The following SLC30A8 variants were observed in gnomAD, a reference collection of about 807,000 sequenced individuals.
SLC30A8 encodes the protein solute carrier family 30 member 8, also known as proton-coupled zinc antiporter SLC30A8.
Under a neutral mutation model 36.9 loss-of-function variants are expected in SLC30A8, and 27 were observed. The observed-to-expected ratio is 0.73, with a 90% CI of 0.54 to 1.01. SLC30A8 has a LOEUF of 1.01. SLC30A8 is among the 50% of genes least tolerant of loss of function. The pLI is 0.00. For missense variants in SLC30A8, 439 were observed against 452.0 expected, an observed-to-expected ratio of 0.97 and a Z score of 0.26; for synonymous variants, 164 against 172.4, an observed-to-expected ratio of 0.95 and a Z score of 0.38.
At chr8:117,104,171 T>G (rs1819866180) in intron 2 of SLC30A8, among the ~76,000 whole-genome samples, 1 of 152,184 alleles carries the variant, frequency 6.6e-6, no homozygotes, top group Non-Finnish European at 1.5e-5. Flanking sequence ...TTTCTCATAT[T>G]TTTGCAATGT....
intron 2 of SLC30A8, among the ~76,000 whole-genome samples, chr8:117,062,428 G>T (rs983403256): frequency 6.6e-6 from 1 of 152,184 alleles, no homozygotes; most frequent in African/African-American, 2.4e-5. Flanking sequence ...CACATCACAT[G>T]GCAAAAGTGG....
intron 1 of SLC30A8, among the ~76,000 whole-genome samples, chr8:117,018,854 T>C (rs1259002326): frequency 6.6e-6 from 1 of 151,888 alleles, no homozygotes; most frequent in African/African-American, 2.4e-5. Context: ...AGAGATGCGG[T>C]TTTTCACCAT....
chr8:116,979,363 A>G (rs1815178505), intron 1 of SLC30A8, among the ~76,000 whole-genome samples: 2 of 152,168 alleles, frequency 1.3e-5, no homozygotes, highest in Admixed American at 1.3e-4. Flanking sequence ...CGAAGAAAAC[A>G]TAAATGCATA....
rs1444182719 is a variant in SLC30A8, at chr8:117,174,076, A to G, written c.*1395A>G. ...TAGCTTTTAGTTGAAAAAGCAAAAT[A>G]CATGATGCAAAGAAACCTCTCCACG... is the stretch of plus-strand genomic sequence containing the variant. On this transcript the variant is annotated 3_prime_UTR_variant, in exon 8 of 8. Coordinates refer to ENST00000456015, the MANE Select transcript of SLC30A8 (RefSeq NM_173851.3). The G allele has an allele frequency of 6.6e-6, 1 of 152,178 alleles. No individual in the cohort carries two copies. The highest frequency in any genetic ancestry group is 1.5e-5 in the Non-Finnish European group (1 of 68,026). The allele number at this position is 152,178 out of a possible 1,614,324, so 9.4% of individuals were successfully genotyped here.
intron 2 of SLC30A8, among the ~76,000 whole-genome samples, chr8:117,079,180 T>C (rs991713417): frequency 1.3e-5 from 2 of 151,948 alleles, no homozygotes. Flanking sequence ...CCTGGCTAAT[T>C]TTTGTATTTT....
At chr8:117,027,639 C>G (rs937870806) in intron 1 of SLC30A8, among the ~76,000 whole-genome samples, 2 of 152,122 alleles carry the variant, frequency 1.3e-5, no homozygotes, top group Non-Finnish European at 2.9e-5. Flanking sequence ...ACCAGAGAAA[C>G]CTAGGCAGGA....
At chr8:117,141,123 A>G (rs907411867) in intron 1 of SLC30A8, among the ~76,000 whole-genome samples, 3 of 152,156 alleles carry the variant, frequency 2.0e-5, no homozygotes, top group Admixed American at 1.3e-4. Context: ...TTAACTCATC[A>G]CAAATTCTTC....
chr8:116,987,484 G>A lies in SLC30A8; in HGVS notation c.-266+36365G>A, dbSNP rs145265314. Among the ~76,000 whole-genome samples, 278 of 151,980 alleles carry A rather than the reference G, an allele frequency of 1.8e-3. 1 individual carries two copies. Among genetic ancestry groups the A allele is most frequent in the Middle Eastern group, 6.8e-3 (2 of 294 alleles). On this transcript the variant is annotated intron_variant, in intron 1 of 10. Transcript: ENST00000427715. ...AATAAAATAAAATAAATATTGTCTAGGCTAGGCTAGACTAAGGGAAATTTA... is the reference window on the plus strand; with the variant it reads ...AATAAAATAAAATAAATATTGTCTAAGCTAGGCTAGACTAAGGGAAATTTA...
chr8:117,163,530 G>A lies in SLC30A8; in HGVS notation c.829G>A (p.Gly277Ser), dbSNP rs200020886. ...LKDFSILLME[G>S]VPKSLNYSGV... ...GGACTTCTCCATCTTACTCATGGAAGGTAGGAGTGATTTTATTATTACTCC... is the reference window on the plus strand; with the variant it reads ...GGACTTCTCCATCTTACTCATGGAAAGTAGGAGTGATTTTATTATTACTCC... The change falls in exon 6 of 8, where the codon GGT (glycine) becomes AGT (serine). Residue 277 changes from glycine to serine, a missense_variant and splice_region_variant. Transcript: ENST00000456015. The A allele has an allele frequency of 9.4e-6, 15 of 1,601,996 alleles. No individual in the cohort carries two copies. The highest frequency in any genetic ancestry group is 1.3e-5 in the Non-Finnish European group (15 of 1,171,744).
At chr8:117,103,038 A>T (rs888364160) in intron 2 of SLC30A8, among the ~76,000 whole-genome samples, 1 of 152,110 alleles carries the variant, frequency 6.6e-6, no homozygotes, top group Non-Finnish European at 1.5e-5. Flanking sequence ...TCAAAGTCCA[A>T]AATCTTACTA....
At chr8:116,990,243 G>T (rs538693617) in intron 1 of SLC30A8, among the ~76,000 whole-genome samples, 2 of 152,010 alleles carry the variant, frequency 1.3e-5, no homozygotes, top group South Asian at 4.2e-4. Flanking sequence ...AACATTGATT[G>T]CCCCTCCGGG....
At chr8:117,132,700 TTG>T (rs920235339), upstream of SLC30A8, among the ~76,000 whole-genome samples, 3 of 151,988 alleles carry the variant, frequency 2.0e-5, no homozygotes, top group Non-Finnish European at 4.4e-5. Flanking sequence ...GACCAAAGGT[TTG>T]TCAGGGAGGA....
At chr8:116,957,291 T>A (rs1814246437) in intron 1 of SLC30A8, among the ~76,000 whole-genome samples, 1 of 152,164 alleles carries the variant, frequency 6.6e-6, no homozygotes, top group Admixed American at 6.5e-5. Context: ...TTTATTTTTT[T>A]TTTGAGATGA....
At chr8:117,099,971 A>G (rs1033846410) in intron 2 of SLC30A8, among the ~76,000 whole-genome samples, 2 of 152,148 alleles carry the variant, frequency 1.3e-5, no homozygotes, top group African/African-American at 4.8e-5. Flanking sequence ...TGACTTTCTG[A>G]AGGTCACAGT....
In SLC30A8 at chr8:117,172,739, G is replaced by A; in HGVS notation, c.*58G>A. On this transcript the variant is annotated 3_prime_UTR_variant, in exon 8 of 8. Transcript: ENST00000456015. The stretch of plus-strand genomic sequence containing the variant: ...AGGCCACCTTCAAACATGCTGCTAT[G>A]CAGTTTCTGCATCATAGAAAATAAG... 1.9e-6 allele frequency: 3 copies of A among 1,576,250 alleles called. No individual in the cohort carries two copies. Among genetic ancestry groups the A allele is most frequent in the Non-Finnish European group, 2.6e-6 (3 of 1,150,582 alleles).
chr8:117,141,772 T>C (rs1821665190), intron 1 of SLC30A8, among the ~76,000 whole-genome samples: 1 of 152,192 alleles, frequency 6.6e-6, no homozygotes, highest in Admixed American at 6.5e-5. Context: ...CTCAACGTGG[T>C]ACTGTGTGTT....
chr8:117,021,378 G>A (rs186385500), intron 1 of SLC30A8, among the ~76,000 whole-genome samples: 95 of 152,138 alleles, frequency 6.2e-4, no homozygotes, highest in African/African-American at 2.1e-3. Context: ...TCTTCTAAAT[G>A]CACCTTGTTT....
intron 2 of SLC30A8, 89 bp downstream of exon 2, chr8:117,147,242 G>T: frequency 8.9e-7 from 1 of 1,125,900 alleles, no homozygotes; most frequent in Non-Finnish European, 1.3e-6. Context: ...TATAAAGTAA[G>T]ATTTAATATT....
chr8:117,108,393 G>GAAAATAA (rs1443365645), intron 2 of SLC30A8, among the ~76,000 whole-genome samples: 4 of 152,170 alleles, frequency 2.6e-5, no homozygotes, highest in African/African-American at 9.7e-5. Flanking sequence ...GCTAAATTCA[G>GAAAATAA]ACTTTTCTAA....
Sources: allele counts gnomAD v4.1 joint callset (sites outside exome capture counted in the v4.1 genomes callset), GRCh38; gene constraint gnomAD v4.1.1; transcripts MANE v1.5; gene names NCBI Gene and HGNC (gene_info 2026-07-23, HGNC 2026-07-21).